CAMK4: variants seen among roughly 807,000 people sequenced by gnomAD.
CAMK4 encodes the protein calcium/calmodulin-dependent protein kinase type IV.
In CAMK4, 22 loss-of-function variants were observed where a neutral mutation model predicts 44.9. That is an observed-to-expected ratio of 0.49 (90% CI 0.35 to 0.70). CAMK4 has a LOEUF of 0.70. CAMK4 is among the 30% of genes least tolerant of loss of function. The pLI is 0.01. For synonymous variants in CAMK4, 218 were observed against 215.4 expected (o/e 1.01, Z -0.11); for missense variants, 498 against 586.8 (o/e 0.85, Z 1.56).
Position 111,446,601 on chromosome 5 carries a change from C to T in CAMK4, c.460-85C>T, listed in dbSNP as rs878927551. The stretch of plus-strand genomic sequence containing the variant: ...CTATGTGTGTTCTTGAATCACATAA[C>T]TTATAGTTCTTAAAAGATTAAGTAT... On this transcript the variant is annotated intron_variant, in intron 5 of 10. Transcript: ENST00000282356. The T allele has an allele frequency of 4.2e-5, 30 of 715,838 alleles. 1 individual carries two copies. In the South Asian group the frequency reaches 5.6e-4, roughly 13 times the overall value. The allele number at this position is 715,838 out of a possible 1,614,324, so 44.3% of individuals were successfully genotyped here.
Position 111,452,296 on chromosome 5 carries a change from G to A in CAMK4, c.625+3093G>A, listed in dbSNP as rs531305391. On this transcript the variant is annotated intron_variant, in intron 7 of 10. Transcript: ENST00000282356. ...CAAATGGACTTAGAAAGGTCGGATG[G>A]ACCATGTGTTTAAAGAATCTATACA... Among the ~76,000 whole-genome samples the A allele has an allele frequency of 6.7e-4, 102 of 152,308 alleles. 1 individual carries two copies. Among genetic ancestry groups the A allele is most frequent in the African/African-American group, 2.2e-3 (92 of 41,564 alleles).
At chr5:111,317,521 C>G (rs944009429) in intron 1 of CAMK4, among the ~76,000 whole-genome samples, 3 of 152,098 alleles carry the variant, frequency 2.0e-5, no homozygotes, top group African/African-American at 7.2e-5. Flanking sequence ...AGTGCCTCAG[C>G]CAATAATTGT....
At chr5:111,316,283 A>G (rs759334840) in intron 1 of CAMK4, among the ~76,000 whole-genome samples, 5 of 152,124 alleles carry the variant, frequency 3.3e-5, no homozygotes, top group East Asian at 1.9e-4. Flanking sequence ...TTCTTTTTCT[A>G]TGACCATCCT....
At position 111,489,819 on chromosome 5, in the gene CAMK4, C is replaced by CTCTTT. The variant is rs1326706124; in HGVS notation, c.*5358_*5362dup. 4 of 152,226 alleles carry CTCTTT rather than the reference C, an allele frequency of 2.6e-5. No homozygotes were observed. Among genetic ancestry groups the CTCTTT allele is most frequent in the Non-Finnish European group, 5.9e-5 (4 of 68,064 alleles). 9.4% of individuals were successfully genotyped at this position (152,226 alleles called of 1,614,324 possible). A position where few individuals can be genotyped will look rare whatever the true frequency, so the allele number is the denominator to read the frequency against. ...AAAATGAGATTCCACCAGTGGGTTA[C>CTCTTT]TCTTTTCTTGTCTTGGTTTGCTATG... On this transcript the variant is annotated 3_prime_UTR_variant, in exon 11 of 11. Coordinates refer to ENST00000282356, the MANE Select transcript of CAMK4 (RefSeq NM_001744.6).
chr5:111,469,043 C>A (rs1580794707), intron 7 of CAMK4, among the ~76,000 whole-genome samples: 1 of 148,532 alleles, frequency 6.7e-6, no homozygotes, highest in African/African-American at 2.5e-5. Context: ...ACTCAGGAGG[C>A]TGAGGCACGA....
chr5:111,247,604 A>T (rs1300355542), intron 1 of CAMK4, among the ~76,000 whole-genome samples: 2 of 151,896 alleles, frequency 1.3e-5, no homozygotes, highest in Non-Finnish European at 2.9e-5. Flanking sequence ...GGCCAGTACA[A>T]TCGAAAGTCT....
intron 1 of CAMK4, among the ~76,000 whole-genome samples, chr5:111,269,679 C>G (rs184674753): frequency 2.0e-5 from 3 of 152,152 alleles, no homozygotes; most frequent in Non-Finnish European, 2.9e-5. Flanking sequence ...CACCTTCTCT[C>G]GTCCCTGGGA....
At chr5:111,324,884 GC>G (rs1004156789) in intron 1 of CAMK4, among the ~76,000 whole-genome samples, 29 of 151,908 alleles carry the variant, frequency 1.9e-4, no homozygotes, top group African/African-American at 6.3e-4. Flanking sequence ...TGCAGAACAT[GC>G]AGGTTTGTTA....
At chr5:111,271,036 A>G (rs536640444) in intron 1 of CAMK4, among the ~76,000 whole-genome samples, 1 of 152,242 alleles carries the variant, frequency 6.6e-6, no homozygotes, top group Admixed American at 6.5e-5. Context: ...AAACCATCAG[A>G]TCACGTGAGA....
intron 5 of CAMK4, among the ~76,000 whole-genome samples, chr5:111,437,697 G>T (rs1323175470): frequency 2.0e-5 from 3 of 152,166 alleles, no homozygotes; most frequent in African/African-American, 7.2e-5. Context: ...AAGGGCTCAG[G>T]CAGGGAACAG....
intron 7 of CAMK4, 72 bp from the exon 8 acceptor site, chr5:111,473,239 T>A: frequency 2.0e-6 from 2 of 976,328 alleles, no homozygotes; most frequent in South Asian, 2.6e-5. Flanking sequence ...TTTATTTCTT[T>A]CCCATTGCTT....
At chr5:111,403,526 AAAAAGT>A (rs1752306580) in intron 5 of CAMK4, among the ~76,000 whole-genome samples, 1 of 152,196 alleles carries the variant, frequency 6.6e-6, no homozygotes, top group Non-Finnish European at 1.5e-5. Context: ...TTTTACCTGT[AAAAAGT>A]AAAAGTGGTT....
chr5:111,384,603 C>G (rs1269877015), intron 4 of CAMK4, among the ~76,000 whole-genome samples: 1 of 152,176 alleles, frequency 6.6e-6, no homozygotes, highest in Non-Finnish European at 1.5e-5. Flanking sequence ...TCCCTGTGAA[C>G]TGATTCACCA....
intron 1 of CAMK4, among the ~76,000 whole-genome samples, chr5:111,263,962 T>A (rs1750113207): frequency 6.6e-6 from 1 of 152,230 alleles, no homozygotes; most frequent in African/African-American, 2.4e-5. Context: ...CTCTTCCCAT[T>A]CTTCCCCTGG....
At chr5:111,383,702 T>C (rs1452152827) in intron 4 of CAMK4, among the ~76,000 whole-genome samples, 1 of 151,670 alleles carries the variant, frequency 6.6e-6, no homozygotes, top group African/African-American at 2.4e-5. Context: ...CTTGACCTCG[T>C]GATCCACCCA....
At chr5:111,239,990 T>C (rs1748913656) in intron 1 of CAMK4, among the ~76,000 whole-genome samples, 1 of 152,192 alleles carries the variant, frequency 6.6e-6, no homozygotes, top group South Asian at 2.1e-4. Context: ...ATTTCATGTA[T>C]TGAAAAGAAG....
intron 4 of CAMK4, among the ~76,000 whole-genome samples, chr5:111,381,219 A>G (rs1751399306): frequency 6.6e-6 from 1 of 152,128 alleles, no homozygotes; most frequent in Admixed American, 6.6e-5. Flanking sequence ...GGATCTGTAA[A>G]GGGACAGAAC....
At chr5:111,481,675 C>A (rs1054991971) in intron 9 of CAMK4, among the ~76,000 whole-genome samples, 1 of 152,148 alleles carries the variant, frequency 6.6e-6, no homozygotes, top group Non-Finnish European at 1.5e-5. Flanking sequence ...AGACATCATG[C>A]TGTAGTGGCC....
chr5:111,459,206 A>G (rs781257547), intron 7 of CAMK4, among the ~76,000 whole-genome samples: 6 of 152,190 alleles, frequency 3.9e-5, no homozygotes, highest in Non-Finnish European at 7.4e-5. Flanking sequence ...CAGAGAGAAG[A>G]GAAGGAACAT....
Sources: allele counts gnomAD v4.1 joint callset (sites outside exome capture counted in the v4.1 genomes callset), GRCh38; gene constraint gnomAD v4.1.1; transcripts MANE v1.5; gene names NCBI Gene and HGNC (gene_info 2026-07-23, HGNC 2026-07-21).